UNC80: variants seen among roughly 807,000 people sequenced by gnomAD.
UNC80 encodes the protein unc-80 subunit of NALCN channel complex, also known as protein unc-80 homolog.
UNC80 carries 164 observed loss-of-function variants against 384.6 expected under a neutral mutation model. That is an observed-to-expected ratio of 0.43 (90% CI 0.38 to 0.49). The LOEUF is 0.49. Ranked by LOEUF, UNC80 falls within the 20% of genes least tolerant of loss-of-function variation. The pLI is 0.00. For synonymous variants in UNC80, 1,486 were observed against 1,527.8 expected, an observed-to-expected ratio of 0.97 and a Z score of 0.64; for missense variants, 3,330 against 4,143.0, an observed-to-expected ratio of 0.80 and a Z score of 5.39.
At chr2:209,978,787 C>T (rs2093078274) in intron 59 of UNC80, 79 bp downstream of exon 59, 4 of 1,297,694 alleles carry the variant, frequency 3.1e-6, no homozygotes, top group South Asian at 2.2e-5. Context: ...TACTGCCCTT[C>T]TGACCTTTTC....
At chr2:209,890,662 C>T (rs1450725413) in intron 26 of UNC80, among the ~76,000 whole-genome samples, 1 of 152,166 alleles carries the variant, frequency 6.6e-6, no homozygotes, top group East Asian at 1.9e-4. Context: ...AAGTTATTTA[C>T]CTTCTAAGCC....
chr2:209,907,339 A>G, intron 29 of UNC80, among the ~76,000 whole-genome samples: 1 of 151,962 alleles, frequency 6.6e-6, no homozygotes, highest in Non-Finnish European at 1.5e-5. Flanking sequence ...TATACTGCAC[A>G]TAATCTAGTC....
At chr2:209,808,767 T>TTCTGCGCTACTCAGCGACCTCGTTGGC in intron 7 of UNC80, 1 of 59,214 alleles carries the variant, frequency 1.7e-5, no homozygotes, top group South Asian at 1.0e-4. Flanking sequence ...CCTGCGCTAC[T>TTCTGCGCTACTCAGCGACCTCGTTGGC]TCTGCGCTAC....
chr2:209,791,813 C>T (rs1448138637), intron 6 of UNC80, among the ~76,000 whole-genome samples: 7 of 103,908 alleles, frequency 6.7e-5, no homozygotes, highest in African/African-American at 1.9e-4. Flanking sequence ...GAGTGAGACT[C>T]CGTCTCAAAA....
In UNC80 at chr2:209,976,941, A is replaced by G. The variant is rs1221642496; in HGVS notation, c.8801A>G (p.Glu2934Gly). 1.2e-5 allele frequency: 18 copies of G among 1,526,598 alleles called. No individual in the cohort carries two copies. The highest frequency in any genetic ancestry group is 1.4e-5 in the Non-Finnish European group (16 of 1,126,298). 94.6% of individuals were successfully genotyped at this position (1,526,598 alleles called of 1,614,324 possible). A position where few individuals can be genotyped will look rare whatever the true frequency, so the allele number is the denominator to read the frequency against. The change falls in exon 58 of 65, where the codon GAA (glutamate) becomes GGA (glycine). Residue 2934 changes from glutamate to glycine, a missense_variant. Transcript: ENST00000673920. This position sits in a 1 kb window ranked among gnomAD's most constrained non-coding sequence, Gnocchi z 4.3. ...CTGGCCCAACCAGCAGAGAATCATG[A>G]AGAGCTTTCCGCCCGGCAACATATT... ...KLLAQPAENH[E>G]ELSARQHIAD...
intron 24 of UNC80, among the ~76,000 whole-genome samples, chr2:209,879,618 A>G (rs1229653449): frequency 6.6e-6 from 1 of 152,166 alleles, no homozygotes; most frequent in Non-Finnish European, 1.5e-5. Flanking sequence ...GTGTTCAATT[A>G]TTTTTTAAAA....
chr2:209,871,126 A>T (rs905614195), intron 22 of UNC80, among the ~76,000 whole-genome samples: 1 of 152,178 alleles, frequency 6.6e-6, no homozygotes, highest in Non-Finnish European at 1.5e-5. Flanking sequence ...TGATATGTTT[A>T]TATATTTATG....
chr2:209,839,163 T>A lies in UNC80; in HGVS notation c.3042-59T>A. ...ATCATTGACAGGAAGATGAAAGAAA[T>A]TTAGGAGAATTTCTCAAGTGTTGTC... On this transcript the variant is annotated intron_variant, in intron 18 of 64. Transcript: ENST00000673920. The surrounding 1 kb of genome is among the most constrained non-coding windows in gnomAD (Gnocchi z 4.1). 6.9e-7 allele frequency: 1 copy of A among 1,457,868 alleles called. No homozygotes were observed. The highest frequency in any genetic ancestry group is 9.3e-7 in the Non-Finnish European group (1 of 1,071,874). The allele number at this position is 1,457,868 out of a possible 1,614,324, so 90.3% of individuals were successfully genotyped here.
At chr2:209,786,257 G>A in intron 5 of UNC80, 68 bp downstream of exon 5, 1 of 1,515,342 alleles carries the variant, frequency 6.6e-7, no homozygotes, top group Non-Finnish European at 8.9e-7. Flanking sequence ...TTAGAGTGAT[G>A]GGATAATTTG....
intron 29 of UNC80, among the ~76,000 whole-genome samples, chr2:209,911,540 G>T (rs1301210566): frequency 6.6e-6 from 1 of 152,158 alleles, no homozygotes; most frequent in Admixed American, 6.5e-5. Flanking sequence ...AGTTTTGAAA[G>T]ACTTTCTTGG....
chr2:209,923,324 A>G (rs80094427), intron 35 of UNC80, among the ~76,000 whole-genome samples: 6,412 of 152,260 alleles, frequency 0.042, 461 homozygotes, highest in African/African-American at 0.15. Flanking sequence ...CCAAGGTCAC[A>G]AAGATTTACT....
intron 48 of UNC80, among the ~76,000 whole-genome samples, chr2:209,955,750 C>T (rs1032486321): frequency 8.4e-4 from 89 of 105,672 alleles, no homozygotes; most frequent in African/African-American, 4.3e-3. Flanking sequence ...CACACACACA[C>T]ACACACACAG....
intron 31 of UNC80, among the ~76,000 whole-genome samples, chr2:209,917,468 A>G (rs570460818): frequency 6.6e-6 from 1 of 152,312 alleles, no homozygotes. Flanking sequence ...CTCCTAAAAA[A>G]CATATTTCAG....
intron 50 of UNC80, 55 bp downstream of exon 50, chr2:209,959,209 C>A: frequency 6.6e-7 from 1 of 1,522,080 alleles, no homozygotes; most frequent in East Asian, 2.5e-5. Context: ...GAGATGATTG[C>A]CTTTTAAGCT....
chr2:209,808,755 C>A (rs1012968223), intron 7 of UNC80: 4 of 243,330 alleles, frequency 1.6e-5, no homozygotes, highest in South Asian at 9.6e-5. Context: ...GTGAGTGGGT[C>A]GCCTGCGCTA....
At chr2:209,819,382 A>G in intron 12 of UNC80, 121 bp downstream of exon 12, 2 of 1,131,976 alleles carry the variant, frequency 1.8e-6, no homozygotes, top group Non-Finnish European at 2.4e-6. Context: ...GAAATGAAAA[A>G]GCCACCCACT....
Position 209,977,052 on chromosome 2 carries a change from TAA to T in UNC80, c.8915_8916del (p.Lys2972ArgfsTer5). 1.3e-6 allele frequency: 2 copies of T among 1,521,678 alleles called. No individual in the cohort carries two copies. Among genetic ancestry groups the T allele is most frequent in the Non-Finnish European group, 1.8e-6 (2 of 1,122,200 alleles). 94.3% of individuals were successfully genotyped at this position (1,521,678 alleles called of 1,614,324 possible). On this transcript the variant is annotated frameshift_variant, in exon 58 of 65. Coordinates refer to ENST00000673920, the MANE Select transcript of UNC80 (RefSeq NM_001371986.1). LOFTEE classifies it high-confidence loss of function. Reference sequence around the variant, plus strand: ...GAGTTCAACAGTGAACTAAAAATTCTAAAAGAGGCAGTTCATAGTGGATCAGG... The same window carrying T: ...GAGTTCAACAGTGAACTAAAAATTCTAAGAGGCAGTTCATAGTGGATCAGG...
chr2:209,915,897 T>A (rs1458479160), intron 31 of UNC80, among the ~76,000 whole-genome samples: 1 of 152,184 alleles, frequency 6.6e-6, no homozygotes, highest in Non-Finnish European at 1.5e-5. Context: ...TTCCAACACA[T>A]GGAAATAATA....
intron 7 of UNC80, among the ~76,000 whole-genome samples, chr2:209,806,467 C>CCCA (rs1472740927): frequency 3.3e-5 from 5 of 152,288 alleles, no homozygotes; most frequent in African/African-American, 1.2e-4. Flanking sequence ...GCAACGTACA[C>CCCA]CCACATGTGT....
Sources: gnomAD v4.1 joint callset for allele counts (sites outside exome capture counted in the v4.1 genomes callset) on GRCh38, gnomAD v4.1.1 for gene constraint, Gnocchi (gnomAD v3.1) non-coding constraint, MANE v1.5 for transcripts, NCBI Gene and HGNC (gene_info 2026-07-23, HGNC 2026-07-21) for gene names.